Variants in TBC1D14 observed in about 807,000 individuals in gnomAD.
The protein encoded by TBC1D14 is TBC1 domain family, member 14.
Under a neutral mutation model 79.0 loss-of-function variants are expected in TBC1D14, and 26 were observed. That is an observed-to-expected ratio of 0.33 (90% CI 0.24 to 0.46). The LOEUF (loss-of-function observed/expected upper bound fraction) is 0.46, where lower values mean the gene tolerates loss of function less well. Ranked by LOEUF, TBC1D14 falls within the 20% of genes least tolerant of loss-of-function variation. The pLI is 1.00. For synonymous variants in TBC1D14, 394 were observed against 349.9 expected, an observed-to-expected ratio of 1.13 and a Z score of -1.40; for missense variants, 769 against 887.6, an observed-to-expected ratio of 0.87 and a Z score of 1.70.
At chr4:6,934,765 G>A (rs61488923) in intron 2 of TBC1D14, among the ~76,000 whole-genome samples, 41,934 of 152,152 alleles carry the variant, frequency 0.28, 5,984 homozygotes, top group Admixed American at 0.32. Flanking sequence ...AGGCAAAAGC[G>A]AAACTGGAGT....
intron 6 of TBC1D14, among the ~76,000 whole-genome samples, chr4:7,000,084 A>G (rs1719506990): frequency 6.6e-6 from 1 of 152,086 alleles, no homozygotes; most frequent in Non-Finnish European, 1.5e-5. Context: ...CTAGGAAAAT[A>G]TGCTCAGAGC....
Position 7,004,854 on chromosome 4 carries a change from C to T in TBC1D14, c.1281C>T (p.Asp427=). 6.2e-7 allele frequency: 1 copy of T among 1,614,158 alleles called. No individual in the cohort carries two copies. The highest frequency in any genetic ancestry group is 8.5e-7 in the Non-Finnish European group (1 of 1,180,016). Residue 427 remains aspartate, a synonymous_variant, in exon 8 of 14, where the codon GAC becomes GAT. Transcript: ENST00000409757. ...NELNITHELF[D]ICLARAKERW... ...AGGCTTTTCTTCCAGAGCTCTTTGA[C>T]ATCTGTCTTGCCCGAGCCAAGGAGA... is the stretch of plus-strand genomic sequence containing the variant.
chr4:7,000,810 G>GC (rs1258979119), intron 6 of TBC1D14, among the ~76,000 whole-genome samples: 1 of 152,200 alleles, frequency 6.6e-6, no homozygotes, highest in Admixed American at 6.5e-5. Context: ...AGGAGGCCAA[G>GC]CCATTGCTTT....
At chr4:6,955,382 G>T (rs940115278) in intron 2 of TBC1D14, among the ~76,000 whole-genome samples, 1 of 152,216 alleles carries the variant, frequency 6.6e-6, no homozygotes, top group Non-Finnish European at 1.5e-5. Flanking sequence ...TGTCCTGTCC[G>T]TACGGTGGCG....
At chr4:6,963,762 T>C (rs964397640) in intron 2 of TBC1D14, among the ~76,000 whole-genome samples, 65 of 152,228 alleles carry the variant, frequency 4.3e-4, no homozygotes, top group African/African-American at 1.4e-3. Context: ...TGGCCTATCA[T>C]ATGAGCCTAA....
chr4:7,007,317 T>C (rs1720303076), intron 9 of TBC1D14, among the ~76,000 whole-genome samples: 1 of 152,206 alleles, frequency 6.6e-6, no homozygotes, highest in African/African-American at 2.4e-5. Flanking sequence ...CTCCTGGGCA[T>C]CTGAACACAG....
chr4:6,964,250 C>G (rs1715503739), intron 2 of TBC1D14, among the ~76,000 whole-genome samples: 1 of 152,182 alleles, frequency 6.6e-6, no homozygotes, highest in African/African-American at 2.4e-5. Context: ...TTGTGCTCAA[C>G]CTTCCAGACC....
intron 1 of TBC1D14, among the ~76,000 whole-genome samples, chr4:6,923,106 C>T (rs895087787): frequency 5.9e-5 from 9 of 152,220 alleles, no homozygotes; most frequent in Admixed American, 4.6e-4. Context: ...GAGGCTGAGG[C>T]ACAAGAATCG....
intron 1 of TBC1D14, among the ~76,000 whole-genome samples, chr4:6,914,241 A>G (rs1278295091): frequency 3.3e-5 from 5 of 152,150 alleles, no homozygotes; most frequent in African/African-American, 1.2e-4. Context: ...AGGACCCTGA[A>G]CAATAACCGC....
At chr4:6,978,637 A>G in intron 3 of TBC1D14, among the ~76,000 whole-genome samples, 1 of 148,576 alleles carries the variant, frequency 6.7e-6, no homozygotes, top group East Asian at 1.9e-4. Context: ...TAGGAAAACC[A>G]GAGACCTTTG....
At chr4:7,011,667 G>A (rs374084877) in intron 11 of TBC1D14, among the ~76,000 whole-genome samples, 4 of 151,656 alleles carry the variant, frequency 2.6e-5, no homozygotes, top group Admixed American at 6.6e-5. Context: ...AGCAATTATC[G>A]TGTCTCAGCC....
intron 3 of TBC1D14, among the ~76,000 whole-genome samples, chr4:6,976,546 A>G (rs1294395095): frequency 6.6e-6 from 1 of 152,234 alleles, no homozygotes; most frequent in Non-Finnish European, 1.5e-5. Flanking sequence ...AGAACTGTCA[A>G]CCCAAATTCT....
At chr4:6,953,357 C>T (rs1382516102) in intron 2 of TBC1D14, among the ~76,000 whole-genome samples, 1 of 132,218 alleles carries the variant, frequency 7.6e-6, no homozygotes, top group Non-Finnish European at 1.6e-5. Context: ...CGCGGTGGCT[C>T]ACGCCTGTAA....
chr4:6,953,009 C>G (rs1455138451), intron 2 of TBC1D14, among the ~76,000 whole-genome samples: 1 of 133,402 alleles, frequency 7.5e-6, no homozygotes, highest in African/African-American at 2.8e-5. Context: ...GCCTAGCTAA[C>G]TATTTTTTTC....
At chr4:6,959,012 T>G (rs1277968475) in intron 2 of TBC1D14, among the ~76,000 whole-genome samples, 1 of 152,080 alleles carries the variant, frequency 6.6e-6, no homozygotes, top group Non-Finnish European at 1.5e-5. Flanking sequence ...GCCTCCCAAG[T>G]AGCTGGGACT....
intron 13 of TBC1D14, among the ~76,000 whole-genome samples, chr4:7,027,218 C>A (rs576111958): frequency 4.6e-5 from 7 of 151,898 alleles, no homozygotes; most frequent in East Asian, 3.9e-4. Flanking sequence ...CTCAAAAAAA[C>A]CCCAAAAAAG....
At chr4:6,930,370 C>T (rs1711610855) in intron 2 of TBC1D14, among the ~76,000 whole-genome samples, 1 of 152,160 alleles carries the variant, frequency 6.6e-6, no homozygotes, top group Non-Finnish European at 1.5e-5. Context: ...CCTTTGTGGG[C>T]TGGCCATCGA....
At position 6,919,845 on chromosome 4, in the gene TBC1D14, T is replaced by C. The variant is rs1424724516; in HGVS notation, c.-17-3528T>C. On this transcript the variant is annotated intron_variant, in intron 1 of 13. Coordinates refer to ENST00000409757, the MANE Select transcript of TBC1D14 (RefSeq NM_020773.3). ...CATGTTGGTCAGGCTGGTCTCAAAC[T>C]CCTGACTTCGTGATCTGCCCGCCTT... 5.3e-5 allele frequency among the ~76,000 whole-genome samples: 8 copies of C among 152,276 alleles called. No individual in the cohort carries two copies. In the East Asian group the frequency reaches 1.5e-3, roughly 29 times the overall value.
chr4:6,924,204 G>A, intron 2 of TBC1D14, 93 bp downstream of exon 2: 4 of 1,459,792 alleles, frequency 2.7e-6, no homozygotes, highest in South Asian at 2.8e-5. Context: ...GTTCTCTGTG[G>A]TGTTAGGCAG....
Sources: gnomAD v4.1 joint callset for allele counts (sites outside exome capture counted in the v4.1 genomes callset) on GRCh38, gnomAD v4.1.1 for gene constraint, MANE v1.5 for transcripts, NCBI Gene and HGNC (gene_info 2026-07-23, HGNC 2026-07-21) for gene names.